NDST3: variants seen among roughly 807,000 people sequenced by gnomAD.
The protein encoded by NDST3 is bifunctional heparan sulfate N-deacetylase/N-sulfotransferase 3.
A neutral mutation model predicts 96.1 loss-of-function variants in NDST3; 58 were observed. The ratio of observed to expected loss-of-function variants is 0.60; its 90% CI spans 0.49 to 0.75. The LOEUF (loss-of-function observed/expected upper bound fraction) is 0.75. Ranked by LOEUF, NDST3 falls within the 30% of genes least tolerant of loss-of-function variation. NDST3 has a pLI of 0.00. For synonymous variants in NDST3, 333 were observed against 359.7 expected, an observed-to-expected ratio of 0.93 and a Z score of 0.84; for missense variants, 788 against 1,034.2, an observed-to-expected ratio of 0.76 and a Z score of 3.27.
chr4:118,196,224 C>A (rs2125972746), intron 6 of NDST3, among the ~76,000 whole-genome samples: 1 of 152,138 alleles, frequency 6.6e-6, no homozygotes, highest in South Asian at 2.1e-4. Flanking sequence ...ACCTTTTTTA[C>A]CATATTAGTG....
At chr4:118,069,816 G>A (rs1418458422) in intron 2 of NDST3, among the ~76,000 whole-genome samples, 2 of 120,764 alleles carry the variant, frequency 1.7e-5, no homozygotes, top group East Asian at 5.0e-4. Flanking sequence ...TTTTTGACCA[G>A]TTATTATTTT....
chr4:118,171,749 T>C (rs1212882025), intron 6 of NDST3, among the ~76,000 whole-genome samples: 2 of 152,192 alleles, frequency 1.3e-5, no homozygotes, highest in African/African-American at 4.8e-5. Context: ...GGAGGTATTA[T>C]AACACAGATA....
intron 6 of NDST3, among the ~76,000 whole-genome samples, chr4:118,168,924 C>G (rs1193909096): frequency 6.6e-6 from 1 of 152,010 alleles, no homozygotes; most frequent in Non-Finnish European, 1.5e-5. Flanking sequence ...CTGAAACAGT[C>G]GAACTCATAA....
At chr4:118,174,229 G>A (rs2125941041) in intron 6 of NDST3, among the ~76,000 whole-genome samples, 1 of 152,272 alleles carries the variant, frequency 6.6e-6, no homozygotes, top group East Asian at 1.9e-4. Flanking sequence ...GACAGTCTCA[G>A]AGAGCTCACT....
intron 6 of NDST3, among the ~76,000 whole-genome samples, chr4:118,207,908 C>T (rs1295311291): frequency 1.4e-5 from 2 of 144,286 alleles, no homozygotes; most frequent in African/African-American, 5.1e-5. Context: ...GATTTCATAA[C>T]CTCATTAAGT....
chr4:118,076,091 A>T (rs1461395400), intron 2 of NDST3, among the ~76,000 whole-genome samples: 2 of 151,822 alleles, frequency 1.3e-5, no homozygotes, highest in Non-Finnish European at 2.9e-5. Context: ...TATTGGTTGG[A>T]TTTTCTTTTC....
chr4:118,224,593 C>T lies in NDST3; in HGVS notation c.1642C>T (p.Arg548Ter), dbSNP rs1739754373. ...ANFVKSWTNL[R>*]LQTLPPVQLA... ...CTTTGTGAAGAGCTGGACCAACCTGCGACTTCAGACTCTGCCTCCAGTACA... is the reference window on the plus strand; with the variant it reads ...CTTTGTGAAGAGCTGGACCAACCTGTGACTTCAGACTCTGCCTCCAGTACA... The change falls in exon 7 of 14, where the codon CGA becomes TGA. Residue 548 changes from arginine (R) to a stop codon, truncating the protein, a stop_gained. Transcript: ENST00000296499. LOFTEE classifies it high-confidence loss of function. 3 of 1,612,574 alleles carry T rather than the reference C, an allele frequency of 1.9e-6. No individual in the cohort carries two copies. The highest frequency in any genetic ancestry group is 2.2e-5 in the East Asian group (1 of 44,876).
chr4:118,204,949 A>C (rs1738336969), intron 6 of NDST3, among the ~76,000 whole-genome samples: 1 of 144,326 alleles, frequency 6.9e-6, no homozygotes, highest in African/African-American at 2.6e-5. Flanking sequence ...CTTAGTATTC[A>C]CTCACTCTAT....
At chr4:118,100,019 G>A (rs1009207917) in intron 2 of NDST3, among the ~76,000 whole-genome samples, 1 of 151,958 alleles carries the variant, frequency 6.6e-6, no homozygotes, top group Admixed American at 6.6e-5. Flanking sequence ...TGGTGTGGTG[G>A]CTCATCTTAT....
At chr4:118,231,441 C>T (rs770985386) in intron 8 of NDST3, among the ~76,000 whole-genome samples, 123 of 150,240 alleles carry the variant, frequency 8.2e-4, no homozygotes, top group Admixed American at 2.4e-3. Flanking sequence ...ATTTATACTA[C>T]TATTATTTAA....
At chr4:118,147,746 A>G (rs1160902461) in intron 6 of NDST3, among the ~76,000 whole-genome samples, 4 of 152,208 alleles carry the variant, frequency 2.6e-5, no homozygotes, top group Non-Finnish European at 5.9e-5. Context: ...CGGCTTAGAC[A>G]GGTTTGTACT....
chr4:118,174,428 G>A (rs972598306), intron 6 of NDST3, among the ~76,000 whole-genome samples: 1 of 152,098 alleles, frequency 6.6e-6, no homozygotes, highest in Non-Finnish European at 1.5e-5. Context: ...CAGATCTGAT[G>A]AACTATATGG....
At chr4:118,227,977 A>G (rs1740017008) in intron 8 of NDST3, among the ~76,000 whole-genome samples, 1 of 152,142 alleles carries the variant, frequency 6.6e-6, no homozygotes, top group East Asian at 1.9e-4. Flanking sequence ...AAACTACCAG[A>G]CATTCATGCT....
chr4:118,084,114 G>A (rs150717468), intron 2 of NDST3, among the ~76,000 whole-genome samples: 20 of 152,186 alleles, frequency 1.3e-4, no homozygotes, highest in African/African-American at 4.6e-4. Context: ...TAGATATGTA[G>A]CATGAACAAG....
At chr4:118,153,599 G>A (rs538711309) in intron 6 of NDST3, among the ~76,000 whole-genome samples, 105 of 152,216 alleles carry the variant, frequency 6.9e-4, no homozygotes, top group South Asian at 4.2e-3. Context: ...AAAGCGGGTG[G>A]ATCACCTGAG....
At chr4:118,064,169 T>G (rs1726120187) in intron 2 of NDST3, among the ~76,000 whole-genome samples, 1 of 152,168 alleles carries the variant, frequency 6.6e-6, no homozygotes, top group Non-Finnish European at 1.5e-5. Context: ...TTGCCCATAA[T>G]TCTGATAATC....
chr4:118,033,999 G>C (rs567949785), upstream of NDST3: 33 of 152,322 alleles, frequency 2.2e-4, 1 homozygote, highest in African/African-American at 7.5e-4. Context: ...GCGGCATCTC[G>C]ACCAGACAAG....
At chr4:118,215,630 G>A (rs1052773607) in intron 6 of NDST3, among the ~76,000 whole-genome samples, 1 of 152,032 alleles carries the variant, frequency 6.6e-6, no homozygotes, top group Non-Finnish European at 1.5e-5. Flanking sequence ...AAGGACCAGT[G>A]GAGAGGACTG....
At chr4:118,231,781 G>A (rs890397725) in intron 8 of NDST3, among the ~76,000 whole-genome samples, 2 of 152,120 alleles carry the variant, frequency 1.3e-5, no homozygotes, top group African/African-American at 4.8e-5. Context: ...ACAGTTACAA[G>A]TATTAAATAC....
Sources: allele counts gnomAD v4.1 joint callset (sites outside exome capture counted in the v4.1 genomes callset), GRCh38; gene constraint gnomAD v4.1.1; transcripts MANE v1.5; gene names NCBI Gene and HGNC (gene_info 2026-07-23, HGNC 2026-07-21).